PRC1: variants seen among roughly 807,000 people sequenced by gnomAD.
PRC1 encodes protein regulator of cytokinesis 1.
Under a neutral mutation model 91.2 loss-of-function variants are expected in PRC1, and 54 were observed. The ratio of observed to expected loss-of-function variants is 0.59; its 90% CI spans 0.48 to 0.74. The LOEUF (loss-of-function observed/expected upper bound fraction) is 0.74. Ranked by LOEUF, PRC1 falls within the 30% of genes least tolerant of loss-of-function variation. The pLI is 0.00. For synonymous variants in PRC1, 275 were observed against 263.6 expected, an observed-to-expected ratio of 1.04 and a Z score of -0.42; for missense variants, 727 against 746.2, an observed-to-expected ratio of 0.97 and a Z score of 0.30.
intron 3 of PRC1, chr15:90,982,204 G>A (rs1187029753): frequency 1.2e-5 from 7 of 574,330 alleles, no homozygotes; most frequent in Non-Finnish European, 2.2e-5. Flanking sequence ...TTTAAAACTT[G>A]TGGTAGAACA....
chr15:90,969,357 C>G (rs1406497673), intron 13 of PRC1, 90 bp downstream of exon 13: 2 of 1,463,904 alleles, frequency 1.4e-6, no homozygotes, highest in African/African-American at 1.4e-5. Context: ...GCTGCCCTAG[C>G]TAATAGCCTG....
intron 3 of PRC1, chr15:90,983,741 T>C: frequency 4.1e-6 from 1 of 242,494 alleles, no homozygotes; most frequent in East Asian, 8.0e-5. Flanking sequence ...TCAGCGTTTA[T>C]AAAAAAAAAT....
At chr15:90,977,677 G>A (rs1190531004) in intron 8 of PRC1, among the ~76,000 whole-genome samples, 1 of 141,754 alleles carries the variant, frequency 7.1e-6, no homozygotes, top group East Asian at 2.4e-4. Context: ...TCTGCCTCCC[G>A]GGTTCACGCC....
Position 90,984,175 on chromosome 15 carries a change from A to C in PRC1, c.145-35T>G, listed in dbSNP as rs779523245. On this transcript the variant is annotated intron_variant, in intron 2 of 14. Coordinates refer to ENST00000394249, the MANE Select transcript of PRC1 (RefSeq NM_003981.4). This position sits in a 1 kb window ranked among gnomAD's most constrained non-coding sequence, Gnocchi z 5.1. ...GGAAAACAGTCCATAAGTTTGGGGC[A>C]ATGGAGGAAAAAAACTCCCAACACC... The C allele has an allele frequency of 1.2e-6, 2 of 1,606,288 alleles. No homozygotes were observed. The highest frequency in any genetic ancestry group is 2.2e-5 in the South Asian group (2 of 90,650).
chr15:90,980,771 G>A, intron 6 of PRC1, 113 bp downstream of exon 6: 1 of 1,426,518 alleles, frequency 7.0e-7, no homozygotes, highest in Non-Finnish European at 9.6e-7. Context: ...CTCCCAAAGT[G>A]CTGGGATTAG....
At position 90,982,379 on chromosome 15, in the gene PRC1, C is replaced by T. The variant is rs562428400; in HGVS notation, c.268-398G>A. On this transcript the variant is annotated intron_variant, in intron 3 of 14. Coordinates refer to ENST00000394249, the MANE Select transcript of PRC1 (RefSeq NM_003981.4). ...AATAAGTCCCCATTTTTTCCCTTCT[C>T]CAAGCCTGGCAACCACCATTCTACC... is the stretch of plus-strand genomic sequence containing the variant. Among the ~76,000 whole-genome samples the T allele has an allele frequency of 3.3e-5, 5 of 152,184 alleles. No homozygotes were observed. In the South Asian group the frequency reaches 1.0e-3, roughly 32 times the overall value.
At chr15:90,972,586 A>G (rs2038252761) in intron 11 of PRC1, among the ~76,000 whole-genome samples, 1 of 152,048 alleles carries the variant, frequency 6.6e-6, no homozygotes, top group African/African-American at 2.4e-5. Context: ...CTAAAAATAC[A>G]ATATTAGCCG....
Position 90,979,210 on chromosome 15 carries a change from A to G in PRC1, c.1055T>C (p.Phe352Ser), listed in dbSNP as rs2038986338. 1 of 1,614,078 alleles carries G rather than the reference A, an allele frequency of 6.2e-7. No homozygotes were observed. Among genetic ancestry groups the G allele is most frequent in the Non-Finnish European group, 8.5e-7 (1 of 1,180,044 alleles). ...KNYYEVHKEL[F>S]EGVQKWEETW... ...TTCTTCCCACTTCTGGACACCTTCA[A>G]AGAGTTCCTTGTGAACTTCATAGTA... Residue 352 changes from phenylalanine to serine, a missense_variant, in exon 8 of 15, where the codon TTT (phenylalanine) becomes TCT (serine). Phe to Ser is a radical substitution (Grantham distance 155, BLOSUM62 -2). Transcript: ENST00000394249.
rs1244277424 is a variant in PRC1, at chr15:90,969,606, G to T, written c.1590C>A (p.Thr530=). ...TACGGGGTGTTTTCTTCCCTGAACA[G>T]GTGGAAGCAGCGACTGGCTGCAGAG... The part of the protein sequence containing the change: ...PSGSKPVAAS[T]CSGKKTPRTG... The change falls in exon 13 of 15, where the codon ACC becomes ACA. Residue 530 remains threonine (T), a synonymous_variant. Transcript: ENST00000394249. The T allele has an allele frequency of 1.3e-6, 2 of 1,598,896 alleles. No homozygotes were observed. The highest frequency in any genetic ancestry group is 2.2e-5 in the East Asian group (1 of 44,708).
rs935218182 is a variant in PRC1 at position 90,968,222 on chromosome 15, C to T, written c.1791+857G>A. On this transcript the variant is annotated intron_variant, in intron 14 of 14. Transcript: ENST00000394249. ...AAAAAGAGAAAGCTGGACCTCTGTCCAGCAATCAGCCAGAGTGACACACAC... is the reference window on the plus strand; with the variant it reads ...AAAAAGAGAAAGCTGGACCTCTGTCTAGCAATCAGCCAGAGTGACACACAC... The T allele has an allele frequency of 2.6e-5, 26 of 985,290 alleles. No homozygotes were observed. In the African/African-American group the frequency reaches 4.2e-4, roughly 16 times the overall value. 61.0% of individuals were successfully genotyped at this position (985,290 alleles called of 1,614,324 possible).
At chr15:90,969,356 G>A in intron 13 of PRC1, 91 bp downstream of exon 13, 2 of 1,457,176 alleles carry the variant, frequency 1.4e-6, no homozygotes, top group Non-Finnish European at 1.9e-6. Flanking sequence ...AGCTGCCCTA[G>A]CTAATAGCCT....
Position 90,985,028 on chromosome 15 carries a change from T to A in PRC1, c.12-203A>T, listed in dbSNP as rs191839049. Among the ~76,000 whole-genome samples, 34 of 152,306 alleles carry A rather than the reference T, an allele frequency of 2.2e-4. 1 individual carries two copies. Among genetic ancestry groups the A allele is most frequent in the Non-Finnish European group, 3.2e-4 (22 of 68,026 alleles). On this transcript the variant is annotated intron_variant, in intron 1 of 14. Transcript: ENST00000394249. Reference sequence around the variant, plus strand: ...GCCACTAGCAATACAAGATTTCATATCATATTACATCATGGAAGCTCAACC... The same window carrying A: ...GCCACTAGCAATACAAGATTTCATAACATATTACATCATGGAAGCTCAACC...
At chr15:90,967,590 CTTACCATTGCGT>C (rs1376892345) in intron 14 of PRC1, 1 of 165,806 alleles carries the variant, frequency 6.0e-6, no homozygotes, top group African/African-American at 2.4e-5. Flanking sequence ...TACACAAATA[CTTACCATTGCGT>C]TACAATTGCC....
chr15:90,969,936 A>C (rs996120765), intron 12 of PRC1, among the ~76,000 whole-genome samples: 3 of 152,004 alleles, frequency 2.0e-5, no homozygotes, highest in Non-Finnish European at 4.4e-5. Context: ...ATTTTTTTTA[A>C]ATATGAATTC....
At position 90,974,616 on chromosome 15, in the gene PRC1, C is replaced by T. The variant is rs750554170; in HGVS notation, c.1319G>A (p.Arg440Gln). Residue 440 changes from arginine (R) to glutamine (Q), a missense_variant, in exon 10 of 15, where the codon CGA becomes CAA. Coordinates refer to ENST00000394249, the MANE Select transcript of PRC1 (RefSeq NM_003981.4). The surrounding 1 kb of genome is among the most constrained non-coding windows in gnomAD (Gnocchi z 4.6). ...EYVAEQWEMH[R>Q]LEKERAKQER... Reference sequence around the variant, plus strand: ...CTGCTTGGCTCTCTCTTTCTCCAATCGATGCATCTCCCATTGTTCTGCCAC... The same window carrying T: ...CTGCTTGGCTCTCTCTTTCTCCAATTGATGCATCTCCCATTGTTCTGCCAC... 21 of 1,614,070 alleles carry T rather than the reference C, an allele frequency of 1.3e-5. No individual in the cohort carries two copies. In the South Asian group the frequency reaches 1.3e-4, roughly 10 times the overall value.
chr15:90,971,695 T>C (rs759085493), intron 11 of PRC1, among the ~76,000 whole-genome samples: 5 of 151,768 alleles, frequency 3.3e-5, no homozygotes, highest in Admixed American at 6.6e-5. Context: ...ACCCCGTCTC[T>C]ACTAAAAATA....
chr15:90,976,181 T>C (rs1426739120), intron 9 of PRC1, among the ~76,000 whole-genome samples: 5 of 152,094 alleles, frequency 3.3e-5, no homozygotes, highest in Non-Finnish European at 5.9e-5. Context: ...CTCTGCCTCC[T>C]GGGTTCAAGT....
chr15:90,971,833 T>C (rs1467092191), intron 11 of PRC1, among the ~76,000 whole-genome samples: 5 of 147,058 alleles, frequency 3.4e-5, no homozygotes, highest in Non-Finnish European at 4.5e-5. Context: ...ATTGAGACCA[T>C]CCTGGCCAAC....
At position 90,984,872 on chromosome 15, in the gene PRC1, C is replaced by G. The variant is rs750718867; in HGVS notation, c.12-47G>C. 7.5e-6 allele frequency: 12 copies of G among 1,602,676 alleles called. No homozygotes were observed. In the South Asian group the frequency reaches 1.3e-4, roughly 18 times the overall value. ...CTGTTAGTTACATCAGTCACAGCCT[C>G]TGGACTAAAAGCACTATTTTCGAGA... is the stretch of plus-strand genomic sequence containing the variant. On this transcript the variant is annotated intron_variant, in intron 1 of 14. Transcript: ENST00000394249. This position sits in a 1 kb window ranked among gnomAD's most constrained non-coding sequence, Gnocchi z 5.1.
Sources: gnomAD v4.1 joint callset for allele counts (sites outside exome capture counted in the v4.1 genomes callset) on GRCh38, gnomAD v4.1.1 for gene constraint, Gnocchi (gnomAD v3.1) non-coding constraint, MANE v1.5 for transcripts, NCBI Gene and HGNC (gene_info 2026-07-23, HGNC 2026-07-21) for gene names.